Variants in HCFC1 observed in about 807,000 individuals in gnomAD.
HCFC1 encodes host cell factor 1.
In HCFC1, 7 loss-of-function variants were observed where a neutral mutation model predicts 105.5. The ratio of observed to expected loss-of-function variants is 0.07; its 90% CI spans 0.04 to 0.12. The LOEUF (loss-of-function observed/expected upper bound fraction) is 0.12. Among genes scored for constraint, HCFC1 ranks in the 10% least tolerant of loss-of-function variants. The probability of loss-of-function intolerance (pLI) is 1.00; values close to 1 mark genes in which losing one functional copy is unlikely to be tolerated. For missense variants in HCFC1, 1,065 were observed against 1,823.6 expected (o/e 0.58, Z 7.58); for synonymous variants, 918 against 828.1 (o/e 1.11, Z -1.86).
rs782785251 is a variant in HCFC1 at position 153,951,983 on chromosome X, C to T, written c.5118G>A (p.Gln1706=). The T allele has an allele frequency of 6.7e-6, 8 of 1,190,936 alleles. No individual in the cohort carries two copies. The South Asian group carries it at 1.1e-4, about 17-fold the overall frequency. The change falls in exon 20 of 26, where the codon CAG becomes CAA. Residue 1706 remains glutamine (Q), a synonymous_variant. Transcript: ENST00000310441. The part of the protein sequence containing the change: ...QQQQLQEAQA[Q]QQHHHLPTEA... ...CAGTGGGGAGGTGGTGATGCTGCTG[C>T]TGGGCCTGGGCCTCCTGCAGCTGCT...
At chrX:153,966,234 A>C (rs782197773) in intron 1 of HCFC1, among the ~76,000 whole-genome samples, 2 of 111,590 alleles carry the variant, frequency 1.8e-5, no homozygotes, top group Non-Finnish European at 3.8e-5. Flanking sequence ...AACAAAAAAA[A>C]CAGAAAACCC....
chrX:153,962,323 G>A lies in HCFC1; in HGVS notation c.713-17C>T. ...TCAGGGTGTCTGCAGAGAGACGGAG[G>A]GGAAAGGGTTACACAAGGTAGACTG... On this transcript the variant is annotated splice_polypyrimidine_tract_variant and intron_variant, in intron 4 of 25. Coordinates refer to ENST00000310441, the MANE Select transcript of HCFC1 (RefSeq NM_005334.3). 8.7e-7 allele frequency: 1 copy of A among 1,153,681 alleles called. No individual in the cohort carries two copies. Among genetic ancestry groups the A allele is most frequent in the Admixed American group, 2.2e-5 (1 of 45,600 alleles).
chrX:153,968,828 G>A (rs1557119115), intron 1 of HCFC1, among the ~76,000 whole-genome samples: 1 of 112,412 alleles, frequency 8.9e-6, no homozygotes, highest in African/African-American at 3.2e-5. Flanking sequence ...CCACAGAGTG[G>A]AGAAGGTGCT....
chrX:153,963,144 A>T, intron 4 of HCFC1, 81 bp downstream of exon 4: 1 of 742,335 alleles, frequency 1.3e-6, no homozygotes, highest in Non-Finnish European at 2.1e-6. Flanking sequence ...ACCTCACCAT[A>T]CAACAGCGCC....
intron 1 of HCFC1, among the ~76,000 whole-genome samples, chrX:153,968,513 A>T (rs1204356678): frequency 8.9e-6 from 1 of 112,291 alleles, no homozygotes; most frequent in African/African-American, 3.2e-5. Flanking sequence ...CTCTCGTCTG[A>T]GGAATTGCCG....
rs782368885 is a variant in HCFC1, at chrX:153,952,978, G to A, written c.4498-20C>T. ...TGGGGGCTGCAGGATGTCAACAGCA[G>A]AGAAGGGCATGTCAGAAGTTTCTGT... On this transcript the variant is annotated intron_variant, in intron 18 of 25. Coordinates refer to ENST00000310441, the MANE Select transcript of HCFC1 (RefSeq NM_005334.3). 4 of 1,142,966 alleles carry A rather than the reference G, an allele frequency of 3.5e-6. No individual in the cohort carries two copies. Among genetic ancestry groups the A allele is most frequent in the Non-Finnish European group, 4.7e-6 (4 of 850,343 alleles). The allele number at this position is 1,142,966 out of a possible 1,213,427, so 94.2% of individuals were successfully genotyped here.
Position 153,956,921 on chromosome X carries a change from G to T in HCFC1, c.2493C>A (p.Thr831=). The T allele has an allele frequency of 8.3e-7, 1 of 1,210,336 alleles. No individual in the cohort carries two copies. ...IATGHGQQGV[T]QVVLKGAPGQ... is the part of the protein sequence containing the mutation. ...GAGACGGCTGGGAGTGCCTCACCTG[G>T]GTCACTCCCTGCTGCCCGTGGCCAG... The change falls in exon 14 of 26, where the codon ACC becomes ACA. Residue 831 remains threonine, a synonymous_variant. Transcript: ENST00000310441.
Position 153,959,480 on chromosome X carries a change from C to T in HCFC1, c.1456G>A (p.Val486Ile). ...GCCTGAGGACCGGTCACTTTGAGAA[C>T]AGCAGGGACACCTGATGAGAGAAGG... ...TAARTQGVPA[V>I]LKVTGPQATT... Residue 486 changes from valine (V) to isoleucine (I), a missense_variant, in exon 9 of 26, where the codon GTT becomes ATT. By Grantham distance (29) the Val-to-Ile change is conservative. Around this residue, in one of 17 missense-constraint regions of HCFC1, gnomAD observed 101 missense variants for 155.1 expected, o/e 0.65. Transcript: ENST00000310441. 3 of 1,211,614 alleles carry T rather than the reference C, an allele frequency of 2.5e-6. No homozygotes were observed. Among genetic ancestry groups the T allele is most frequent in the East Asian group, 5.9e-5 (2 of 33,839 alleles).
chrX:153,966,338 G>A (rs920904747), intron 1 of HCFC1, among the ~76,000 whole-genome samples: 1 of 112,978 alleles, frequency 8.9e-6, no homozygotes, highest in Non-Finnish European at 1.9e-5. Context: ...GCTTCGAGCA[G>A]GCTGACAGCC....
intron 1 of HCFC1, among the ~76,000 whole-genome samples, chrX:153,966,935 G>T (rs1367694672): frequency 8.9e-6 from 1 of 111,916 alleles, no homozygotes; most frequent in African/African-American, 3.3e-5. Context: ...GGCCAGAAGC[G>T]CCCTGTGATA....
chrX:153,951,877 T>C lies in HCFC1; in HGVS notation c.5224A>G (p.Ser1742Gly), dbSNP rs1557112638. Residue 1742 changes from serine to glycine, a missense_variant, in exon 20 of 26, where the codon AGC becomes GGC. Coordinates refer to ENST00000310441, the MANE Select transcript of HCFC1 (RefSeq NM_005334.3). Reference protein sequence around the residue: ...CLNELAGTVPSTVALLPSTAT... With the variant: ...CLNELAGTVPGTVALLPSTAT... ...GTTGAGGGCAGCAGCGCCACAGTGC[T>C]GGGGACCGTGCCGGCCAGCTCATTG... is the stretch of plus-strand genomic sequence containing the variant. 2 of 1,196,385 alleles carry C rather than the reference T, an allele frequency of 1.7e-6. No homozygotes were observed. The highest frequency in any genetic ancestry group is 2.3e-6 in the Non-Finnish European group (2 of 886,375).
rs1429715782 is a variant in HCFC1 at position 153,954,770 on chromosome X, T to C, written c.3629A>G (p.Gln1210Arg). Residue 1210 changes from glutamine (Q) to arginine (R), a missense_variant, in exon 17 of 26, where the codon CAG becomes CGG. By Grantham distance (43) the Gln-to-Arg change is conservative. This residue lies in a region of HCFC1 where 546 missense variants were observed against 599.9 expected (regional missense o/e 0.91). Coordinates refer to ENST00000310441, the MANE Select transcript of HCFC1 (RefSeq NM_005334.3). The stretch of plus-strand genomic sequence containing the variant: ...GACTTTGCTGCTCAGAGGGGCCAAC[T>C]GCACAAAAGCAGGGCTGCGGCCCCC... Reference protein sequence around the residue: ...EPGGRSPAFVQLAPLSSKVRL... With the variant: ...EPGGRSPAFVRLAPLSSKVRL... The C allele has an allele frequency of 5.1e-6, 6 of 1,169,888 alleles. No individual in the cohort carries two copies. The African/African-American group carries it at 1.1e-4, about 21-fold the overall frequency.
intron 21 of HCFC1, 42 bp downstream of exon 21, chrX:153,951,547 C>T (rs1557112460): frequency 8.3e-7 from 1 of 1,204,343 alleles, no homozygotes; most frequent in Admixed American, 2.2e-5. Context: ...CAGTGCTGCC[C>T]CCCAGGCCAC....
At chrX:153,964,078 G>C (rs782728832) in intron 3 of HCFC1, 46 bp downstream of exon 3, 3 of 1,122,492 alleles carry the variant, frequency 2.7e-6, no homozygotes, top group Admixed American at 4.8e-5. Context: ...GTGCATGTGA[G>C]AGCACACCCA....
intron 6 of HCFC1, 133 bp from the exon 7 acceptor site, chrX:153,960,547 A>T (rs1225679975): frequency 2.0e-5 from 9 of 449,341 alleles, no homozygotes; most frequent in Non-Finnish European, 3.2e-5. Context: ...CATTAAAAAC[A>T]ACAAAACAAA....
intron 1 of HCFC1, among the ~76,000 whole-genome samples, chrX:153,966,574 T>C (rs984917075): frequency 2.7e-5 from 3 of 112,402 alleles, no homozygotes; most frequent in Non-Finnish European, 5.6e-5. Flanking sequence ...GACCAATCCC[T>C]GGAGGGAGCT....
chrX:153,947,566 A>G lies in HCFC1; in HGVS notation c.*1781T>C, dbSNP rs2062232571. 8.9e-6 allele frequency: 1 copy of G among 112,598 alleles called. No homozygotes were observed. 9.3% of individuals were successfully genotyped at this position (112,598 alleles called of 1,213,427 possible). On this transcript the variant is annotated 3_prime_UTR_variant, in exon 26 of 26. Transcript: ENST00000310441. ...GTGAGACACCTAGTGGTTATTTCAA[A>G]AAAAGTCTTTTAATTGTTCAAAATA...
intron 15 of HCFC1, 77 bp from the exon 16 acceptor site, chrX:153,956,488 G>A (rs1048697301): frequency 1.1e-4 from 115 of 1,095,064 alleles, no homozygotes; most frequent in Non-Finnish European, 1.4e-4. Context: ...ACAGGCTGGG[G>A]CACTCTGGAG....
At chrX:153,956,493 CTGGAGCTGCT>C in intron 15 of HCFC1, 82 bp from the exon 16 acceptor site, 2 of 1,115,846 alleles carry the variant, frequency 1.8e-6, no homozygotes, top group Admixed American at 4.4e-5. Context: ...CTGGGGCACT[CTGGAGCTGCT>C]TGCATAGAAG....
Sources: gnomAD v4.1 joint callset for allele counts (sites outside exome capture counted in the v4.1 genomes callset) on GRCh38, gnomAD v4.1.1 for gene constraint, gnomAD v4.1.1 regional missense constraint, MANE v1.5 for transcripts, NCBI Gene and HGNC (gene_info 2026-07-23, HGNC 2026-07-21) for gene names.